Variants in LPGAT1 observed in about 807,000 individuals in gnomAD.
LPGAT1 encodes acyl-CoA:lysophosphatidylglycerol acyltransferase 1.
A neutral mutation model predicts 47.5 loss-of-function variants in LPGAT1; 11 were observed. The ratio of observed to expected loss-of-function variants is 0.23; its 90% CI spans 0.15 to 0.38. The LOEUF (loss-of-function observed/expected upper bound fraction) is 0.38. Among genes scored for constraint, LPGAT1 ranks in the 10% least tolerant of loss-of-function variants. The pLI, the probability that LPGAT1 is intolerant of heterozygous loss-of-function variation, is 1.00. For synonymous variants in LPGAT1, 138 were observed against 144.2 expected, an observed-to-expected ratio of 0.96 and a Z score of 0.31; for missense variants, 293 against 439.0, an observed-to-expected ratio of 0.67 and a Z score of 2.97.
chr1:211,774,159 G>T (rs1193182571), intron 6 of LPGAT1, among the ~76,000 whole-genome samples: 4 of 2,406 alleles, frequency 1.7e-3, no homozygotes, highest in Non-Finnish European at 2.9e-3. Context: ...TTTTGAGACA[G>T]AGTCTTGATC....
chr1:211,803,390 G>A (rs184101229), intron 2 of LPGAT1, among the ~76,000 whole-genome samples: 211 of 152,250 alleles, frequency 1.4e-3, no homozygotes, highest in South Asian at 5.4e-3. Context: ...TCAGGATGTC[G>A]GCTGTATACC....
chr1:211,776,353 A>T (rs1456957850), intron 6 of LPGAT1, among the ~76,000 whole-genome samples: 2 of 152,162 alleles, frequency 1.3e-5, no homozygotes. Context: ...CCTGGCCAAC[A>T]TGGTGAAACC....
intron 6 of LPGAT1, among the ~76,000 whole-genome samples, chr1:211,774,248 T>C (rs1658298483): frequency 6.8e-6 from 1 of 147,146 alleles, no homozygotes; most frequent in Admixed American, 7.0e-5. Context: ...GATTCTCCCG[T>C]CTCAGACTCC....
intron 2 of LPGAT1, among the ~76,000 whole-genome samples, chr1:211,797,720 A>G (rs954066711): frequency 1.3e-5 from 2 of 152,166 alleles, no homozygotes; most frequent in Non-Finnish European, 2.9e-5. Flanking sequence ...CAAGGGATAG[A>G]AAAGAAATTA....
At chr1:211,765,272 C>T (rs1440171111) in intron 6 of LPGAT1, among the ~76,000 whole-genome samples, 1 of 152,158 alleles carries the variant, frequency 6.6e-6, no homozygotes, top group Non-Finnish European at 1.5e-5. Context: ...GTTAATATTT[C>T]TCACATTTGC....
intron 2 of LPGAT1, among the ~76,000 whole-genome samples, chr1:211,798,404 G>C (rs1158576739): frequency 1.3e-5 from 2 of 152,138 alleles, no homozygotes; most frequent in Non-Finnish European, 2.9e-5. Context: ...TAAAGAGCCA[G>C]CTGGGCACAG....
intron 4 of LPGAT1, 149 bp from the exon 5 acceptor site, chr1:211,783,651 T>G (rs528419129): frequency 1.7e-6 from 1 of 583,252 alleles, no homozygotes; most frequent in Admixed American, 3.5e-5. Flanking sequence ...CTGCCCTTTT[T>G]GACCACAGGG....
intron 2 of LPGAT1, among the ~76,000 whole-genome samples, chr1:211,798,040 GT>G (rs1173808622): frequency 7.9e-5 from 12 of 152,132 alleles, no homozygotes; most frequent in African/African-American, 2.9e-4. Flanking sequence ...AATCTGGACA[GT>G]TCACATCTCA....
At chr1:211,756,064 C>T (rs573428253) in intron 6 of LPGAT1, among the ~76,000 whole-genome samples, 7 of 152,158 alleles carry the variant, frequency 4.6e-5, no homozygotes, top group Non-Finnish European at 4.4e-5. Flanking sequence ...GGTGAAATCC[C>T]GTCTCTACTA....
chr1:211,803,221 G>T (rs1421427143), intron 2 of LPGAT1: 2 of 152,196 alleles, frequency 1.3e-5, no homozygotes, highest in Non-Finnish European at 2.9e-5. Flanking sequence ...GTGACATTTT[G>T]AAAAATTAAC....
rs1057020852 is a variant in LPGAT1, at chr1:211,745,197, A to G, written c.*4702T>C. On this transcript the variant is annotated 3_prime_UTR_variant, in exon 8 of 8. Coordinates refer to ENST00000366997, the MANE Select transcript of LPGAT1 (RefSeq NM_014873.3). ...TACAGTTGCCACAGCCTTTACATTC[A>G]TTCTTATCACACGTTACAACATGCA... The G allele has an allele frequency of 6.6e-6, 1 of 152,652 alleles. No individual in the cohort carries two copies. Among genetic ancestry groups the G allele is most frequent in the Non-Finnish European group, 1.5e-5 (1 of 68,030 alleles). The allele number at this position is 152,652 out of a possible 1,614,324, so 9.5% of individuals were successfully genotyped here. A position where few individuals can be genotyped will look rare whatever the true frequency, so the allele number is the denominator to read the frequency against.
In LPGAT1 at chr1:211,830,656, A is replaced by G. The variant is rs1660707177; in HGVS notation, c.-111T>C. 2 of 1,200,568 alleles carry G rather than the reference A, an allele frequency of 1.7e-6. No homozygotes were observed. The highest frequency in any genetic ancestry group is 3.2e-5 in the African/African-American group (2 of 62,956). 74.4% of individuals were successfully genotyped at this position (1,200,568 alleles called of 1,614,324 possible). ...TGGCCGGCGGCGGGGCCGGCGGAAG[A>G]AGGCGGTGGCGGGGCCCTGCCCCGC... On this transcript the variant is annotated 5_prime_UTR_variant, in exon 1 of 8. Transcript: ENST00000366997. The surrounding 1 kb of genome is among the most constrained non-coding windows in gnomAD (Gnocchi z 5.9).
rs1334007967 is a variant in LPGAT1 at position 211,748,964 on chromosome 1, A to G, written c.*935T>C. On this transcript the variant is annotated 3_prime_UTR_variant, in exon 8 of 8. Transcript: ENST00000366997. ...ACCATCCCCAAATGCATTTAGTGCCAATGTCAAAATGGAAAAAATAAAGCC... is the reference window on the plus strand; with the variant it reads ...ACCATCCCCAAATGCATTTAGTGCCGATGTCAAAATGGAAAAAATAAAGCC... 6.6e-6 allele frequency: 1 copy of G among 152,378 alleles called. No homozygotes were observed. Among genetic ancestry groups the G allele is most frequent in the African/African-American group, 2.4e-5 (1 of 41,456 alleles). 9.4% of individuals were successfully genotyped at this position (152,378 alleles called of 1,614,324 possible). A position where few individuals can be genotyped will look rare whatever the true frequency, so the allele number is the denominator to read the frequency against.
At chr1:211,787,474 C>G (rs1205743416) in intron 4 of LPGAT1, among the ~76,000 whole-genome samples, 158 bp downstream of exon 4, 2 of 135,820 alleles carry the variant, frequency 1.5e-5, no homozygotes, top group Admixed American at 1.7e-4. Flanking sequence ...GGCGACAGAG[C>G]GAGACTCTGT....
chr1:211,775,239 C>A (rs1330120676), intron 6 of LPGAT1, among the ~76,000 whole-genome samples: 1 of 152,172 alleles, frequency 6.6e-6, no homozygotes, highest in Non-Finnish European at 1.5e-5. Context: ...ATTGCTTGAA[C>A]CCGCAAGGCA....
intron 4 of LPGAT1, among the ~76,000 whole-genome samples, chr1:211,785,022 C>G (rs1658816753): frequency 6.6e-6 from 1 of 152,054 alleles, no homozygotes; most frequent in African/African-American, 2.4e-5. Flanking sequence ...CCAGGATGGT[C>G]TCGATCTCCT....
chr1:211,781,057 T>C (rs1289502466), intron 5 of LPGAT1, among the ~76,000 whole-genome samples: 1 of 152,166 alleles, frequency 6.6e-6, no homozygotes, highest in Non-Finnish European at 1.5e-5. Context: ...ATGGTTTGCG[T>C]ATACATGGCA....
At chr1:211,820,753 G>A (rs1006899311) in intron 2 of LPGAT1, among the ~76,000 whole-genome samples, 9 of 151,786 alleles carry the variant, frequency 5.9e-5, no homozygotes, top group African/African-American at 1.9e-4. Context: ...CTCCAAAAAG[G>A]AAAACCAAAA....
At chr1:211,809,102 G>A (rs894721196) in intron 2 of LPGAT1, among the ~76,000 whole-genome samples, 1 of 151,980 alleles carries the variant, frequency 6.6e-6, no homozygotes, top group Admixed American at 6.6e-5. Flanking sequence ...CTACTCGGAA[G>A]GCTGAGGCAG....
Sources: allele counts gnomAD v4.1 joint callset (sites outside exome capture counted in the v4.1 genomes callset), GRCh38; gene constraint gnomAD v4.1.1; non-coding constraint Gnocchi (gnomAD v3.1); transcripts MANE v1.5; gene names NCBI Gene and HGNC (gene_info 2026-07-23, HGNC 2026-07-21).